The following NOSIP variants were observed in gnomAD, a reference collection of about 807,000 sequenced individuals.
NOSIP encodes nitric oxide synthase interacting protein, also known as nitric oxide synthase-interacting protein.
Under a neutral mutation model 36.4 loss-of-function variants are expected in NOSIP, and 25 were observed. That is an observed-to-expected ratio of 0.69 (90% confidence interval 0.50 to 0.96). NOSIP has a LOEUF of 0.96. NOSIP is among the 40% of genes least tolerant of loss of function. The pLI is 0.00. For missense variants in NOSIP, 370 were observed against 429.0 expected, an observed-to-expected ratio of 0.86 and a Z score of 1.21; for synonymous variants, 187 against 179.2, an observed-to-expected ratio of 1.04 and a Z score of -0.35.
In NOSIP at chr19:49,573,857, A is replaced by AT. The variant is rs560191336; in HGVS notation, c.-2+6657dup. On this transcript the variant is annotated intron_variant, in intron 1 of 8. Transcript: ENST00000596358. The stretch of plus-strand genomic sequence containing the variant: ...GTCTCACTGTCACCAGGACTGAAGT[A>AT]TTTTTTTTTTTTTTTTTTTGGAGAC... 9.5e-3 allele frequency among the ~76,000 whole-genome samples: 1,228 copies of AT among 129,420 alleles called. 20 individuals carry two copies. The highest frequency in any genetic ancestry group is 0.033 in the East Asian group (152 of 4,588). The allele number at this position is 129,420 out of a possible 152,430, so 84.9% of individuals were successfully genotyped here. A position where few individuals can be genotyped will look rare whatever the true frequency, so the allele number is the denominator to read the frequency against.
intron 1 of NOSIP, among the ~76,000 whole-genome samples, chr19:49,579,803 G>A (rs532705387): frequency 1.3e-4 from 20 of 152,158 alleles, no homozygotes; most frequent in Non-Finnish European, 1.9e-4. Context: ...CAGCAAGTAT[G>A]GCAAAAATAA....
intron 1 of NOSIP, among the ~76,000 whole-genome samples, chr19:49,569,794 G>A (rs1218632651): frequency 6.8e-6 from 1 of 147,672 alleles, no homozygotes; most frequent in Non-Finnish European, 1.5e-5. Flanking sequence ...GGGGACAAGA[G>A]TGAGACTTTG....
rs751092563 is a variant in NOSIP, at chr19:49,557,158, T to C, written c.350A>G (p.Lys117Arg). 25 of 1,611,944 alleles carry C rather than the reference T, an allele frequency of 1.6e-5. No individual in the cohort carries two copies. The highest frequency in any genetic ancestry group is 2.1e-5 in the Non-Finnish European group (25 of 1,179,346). ...GGGCCGGCTCACGATAGCCGACTCC[T>C]TCTCCAGGAAGCCCCGCACATGGTC... ...SQDHVRGFLEKESAIVSRPLN... is the reference protein window; with the variant it reads ...SQDHVRGFLERESAIVSRPLN... Residue 117 changes from lysine (K) to arginine (R), a missense_variant, in exon 5 of 9, where the codon AAG (lysine) becomes AGG (arginine). Lys to Arg is a conservative substitution (Grantham distance 26). Transcript: ENST00000596358.
At chr19:49,558,557 C>T (rs891792430) in intron 4 of NOSIP, 16 of 207,414 alleles carry the variant, frequency 7.7e-5, no homozygotes, top group African/African-American at 3.7e-4. Context: ...CCACCCCCGA[C>T]CCATTTAGCA....
chr19:49,559,836 C>T (rs934199226), intron 3 of NOSIP, 98 bp downstream of exon 3: 7 of 804,216 alleles, frequency 8.7e-6, no homozygotes, highest in African/African-American at 6.8e-5. Flanking sequence ...TCCAGGGTTC[C>T]CTGGCTGTGC....
chr19:49,555,829 G>T lies in NOSIP; in HGVS notation c.835-7C>A, dbSNP rs758815992. The T allele has an allele frequency of 1.2e-6, 2 of 1,612,620 alleles. No individual in the cohort carries two copies. The highest frequency in any genetic ancestry group is 1.7e-6 in the Non-Finnish European group (2 of 1,179,152). ...CCGCGAAGCCGGTACCGCCCTGGGG[G>T]AGGTAGAGAGAAGGACGAGGTAGAG... On this transcript the variant is annotated splice_polypyrimidine_tract_variant and splice_region_variant and intron_variant, in intron 8 of 8. Coordinates refer to ENST00000596358, the MANE Select transcript of NOSIP (RefSeq NM_001270960.2).
chr19:49,577,338 C>T (rs1212256733), intron 1 of NOSIP, among the ~76,000 whole-genome samples: 1 of 152,094 alleles, frequency 6.6e-6, no homozygotes, highest in Non-Finnish European at 1.5e-5. Flanking sequence ...GCGGGCGGAT[C>T]ATGAGGTCAA....
At chr19:49,557,333 C>T in intron 4 of NOSIP, 84 bp from the exon 5 acceptor site, 6 of 1,480,650 alleles carry the variant, frequency 4.1e-6, no homozygotes, top group Non-Finnish European at 5.4e-6. Flanking sequence ...AAACTGAGGC[C>T]CACAAAGGGG....
chr19:49,574,176 G>A (rs540322853), intron 1 of NOSIP, among the ~76,000 whole-genome samples: 1 of 152,062 alleles, frequency 6.6e-6, no homozygotes, highest in Admixed American at 6.6e-5. Flanking sequence ...TCATTTAATA[G>A]GTAGGAAAAT....
At chr19:49,557,628 C>T in intron 4 of NOSIP, 1 of 1,096,996 alleles carries the variant, frequency 9.1e-7, no homozygotes, top group Non-Finnish European at 1.1e-6. Flanking sequence ...ATTAATGTCA[C>T]CTGCTGGCCA....
intron 1 of NOSIP, among the ~76,000 whole-genome samples, chr19:49,565,372 T>C (rs1297416351): frequency 6.6e-6 from 1 of 152,074 alleles, no homozygotes; most frequent in African/African-American, 2.4e-5. Context: ...TTTCTTGATC[T>C]GGGTGCTGGT....
chr19:49,576,532 G>A (rs1177702214), intron 1 of NOSIP, among the ~76,000 whole-genome samples: 3 of 151,772 alleles, frequency 2.0e-5, no homozygotes, highest in South Asian at 2.1e-4. Flanking sequence ...AGTTATGATC[G>A]TGCCACTGCA....
intron 1 of NOSIP, among the ~76,000 whole-genome samples, chr19:49,566,186 A>T (rs2080406037): frequency 6.6e-6 from 1 of 151,838 alleles, no homozygotes; most frequent in Non-Finnish European, 1.5e-5. Flanking sequence ...CGCCTGGCTA[A>T]TTTTTTGTAT....
rs757220647 is a variant in NOSIP, at chr19:49,558,989, A to G, written c.177-11T>C. Reference sequence around the variant, plus strand: ...AGGTAGCCATCTGGGCTGCAAAGACAGGGTGCAATGAGAAAGAAAGAAAGT... The same window carrying G: ...AGGTAGCCATCTGGGCTGCAAAGACGGGGTGCAATGAGAAAGAAAGAAAGT... On this transcript the variant is annotated splice_polypyrimidine_tract_variant and intron_variant, in intron 3 of 8. Coordinates refer to ENST00000596358, the MANE Select transcript of NOSIP (RefSeq NM_001270960.2). 7 of 1,610,664 alleles carry G rather than the reference A, an allele frequency of 4.3e-6. No individual in the cohort carries two copies. In the African/African-American group the frequency reaches 5.3e-5, roughly 12 times the overall value.
chr19:49,579,690 A>G (rs547227113), intron 1 of NOSIP, among the ~76,000 whole-genome samples: 2 of 152,308 alleles, frequency 1.3e-5, no homozygotes, highest in East Asian at 1.9e-4. Context: ...ATAAATGCCA[A>G]TTAAGATCTT....
intron 1 of NOSIP, among the ~76,000 whole-genome samples, chr19:49,572,828 G>T (rs2080503393): frequency 1.3e-5 from 2 of 151,858 alleles, no homozygotes; most frequent in South Asian, 4.2e-4. Context: ...GCAAAAATTG[G>T]CTGGGTGTGG....
intron 1 of NOSIP, among the ~76,000 whole-genome samples, chr19:49,561,090 A>T (rs1230631280): frequency 6.6e-6 from 1 of 152,128 alleles, no homozygotes; most frequent in South Asian, 2.1e-4. Context: ...TTCCCCTCTC[A>T]TATCTGTAAG....
Position 49,556,703 on chromosome 19 carries a change from G to A in NOSIP, c.571C>T (p.Pro191Ser). The A allele has an allele frequency of 2.5e-6, 4 of 1,609,446 alleles. No individual in the cohort carries two copies. Among genetic ancestry groups the A allele is most frequent in the Non-Finnish European group, 3.4e-6 (4 of 1,177,410 alleles). ...GGCGTCAGGTCCGACATGCGCAGGG[G>A]CTTCCCTGACATGGGGCAGGTCACC... Reference protein sequence around the residue: ...RTVTCPMSGKPLRMSDLTPVH... With the variant: ...RTVTCPMSGKSLRMSDLTPVH... Residue 191 changes from proline (P) to serine (S), a missense_variant, in exon 7 of 9, where the codon CCC (proline) becomes TCC (serine). Physicochemically the swap from Pro to Ser is moderately conservative, Grantham distance 74 (BLOSUM62 -1). Transcript: ENST00000596358.
Position 49,557,142 on chromosome 19 carries a change from CACGATAGCCG to C in NOSIP, c.356_365del (p.Ser119Ter), listed in dbSNP as rs1568721998. 5.0e-6 allele frequency: 8 copies of C among 1,612,494 alleles called. No individual in the cohort carries two copies. In the South Asian group the frequency reaches 7.7e-5, roughly 16 times the overall value. On this transcript the variant is annotated frameshift_variant, in exon 5 of 9. Transcript: ENST00000596358. LOFTEE classifies it high-confidence loss of function. ...CTGTGAAAGGGTTGAGGGGCCGGCT[CACGATAGCCG>C]ACTCCTTCTCCAGGAAGCCCCGCAC...
Sources: allele counts gnomAD v4.1 joint callset (sites outside exome capture counted in the v4.1 genomes callset), GRCh38; gene constraint gnomAD v4.1.1; transcripts MANE v1.5; gene names NCBI Gene and HGNC (gene_info 2026-07-23, HGNC 2026-07-21).